The following GOLGA8A variants were observed in gnomAD, a reference collection of about 807,000 sequenced individuals.
GOLGA8A encodes golgin A8 family member A, also known as golgin subfamily A member 8A.
Under a neutral mutation model 22.1 loss-of-function variants are expected in GOLGA8A, and 3 were observed. That is an observed-to-expected ratio of 0.14 (90% CI 0.06 to 0.35). The LOEUF is 0.35. Among genes scored for constraint, GOLGA8A ranks in the 10% least tolerant of loss-of-function variants. GOLGA8A has a pLI of 1.00. For synonymous variants in GOLGA8A, 7 were observed against 91.7 expected (o/e 0.08, Z 5.28); for missense variants, 16 against 233.2 (o/e 0.07, Z 6.07).
intron 2 of GOLGA8A, among the ~76,000 whole-genome samples, chr15:34,432,945 T>C (rs1366080242): frequency 1.3e-5 from 2 of 148,588 alleles, no homozygotes; most frequent in Non-Finnish European, 3.0e-5. Context: ...CAGTTCAATA[T>C]TGCATCTCGT....
chr15:34,400,632 T>G (rs1400260891), intron 6 of GOLGA8A, 80 bp downstream of exon 6: 2 of 142,418 alleles, frequency 1.4e-5, no homozygotes, highest in Admixed American at 1.4e-4. Context: ...GTTTTTTTTG[T>G]TTTAGGCCTG....
chr15:34,397,401 T>C (rs1239931484), intron 8 of GOLGA8A, among the ~76,000 whole-genome samples: 1 of 147,764 alleles, frequency 6.8e-6, no homozygotes, highest in Non-Finnish European at 1.5e-5. Context: ...CTTTTTCTTA[T>C]ATAATACATT....
chr15:34,436,703 G>A (rs1893532464), intron 1 of GOLGA8A, among the ~76,000 whole-genome samples: 1 of 149,440 alleles, frequency 6.7e-6, no homozygotes, highest in Non-Finnish European at 1.5e-5. Context: ...GGGGACCGGG[G>A]GCCTCGATGT....
At chr15:34,430,993 CAA>C (rs142350347) in intron 2 of GOLGA8A, among the ~76,000 whole-genome samples, 12,574 of 147,498 alleles carry the variant, frequency 0.085, 968 homozygotes, top group South Asian at 0.22. Context: ...CTTATTACAC[CAA>C]AAGACTGAGA....
At chr15:34,427,262 T>G (rs190540337) in intron 2 of GOLGA8A, among the ~76,000 whole-genome samples, 1 of 130,652 alleles carries the variant, frequency 7.7e-6, no homozygotes, top group Admixed American at 8.8e-5. Context: ...ACCCAGGAGG[T>G]GGAGCTTACA....
rs541157460 is a variant in GOLGA8A, at chr15:34,436,823, G to C, written c.-1212+575C>G. Among the ~76,000 whole-genome samples the C allele has an allele frequency of 1.1e-3, 162 of 149,994 alleles. 16 individuals carry two copies. The highest frequency in any genetic ancestry group is 3.1e-3 in the Admixed American group (46 of 14,982). On this transcript the variant is annotated intron_variant, in intron 1 of 24. Transcript: ENST00000359187. ...CAGGTCCGCACCGTGCCCCCAACCC[G>C]GCGCCTGCAGCCCAGGGGCAACAAG...
At chr15:34,405,656 G>A (rs139129029) in intron 4 of GOLGA8A, among the ~76,000 whole-genome samples, 1 of 140,814 alleles carries the variant, frequency 7.1e-6, no homozygotes, top group African/African-American at 2.5e-5. Flanking sequence ...AGTTAGGTGG[G>A]AGCTCTTGGA....
At chr15:34,427,076 T>TG (rs1893013752) in intron 2 of GOLGA8A, among the ~76,000 whole-genome samples, 1 of 147,758 alleles carries the variant, frequency 6.8e-6, no homozygotes, top group South Asian at 2.2e-4. Context: ...CTCACGCCTG[T>TG]AATTGCAGCA....
At chr15:34,432,373 G>A (rs1893295296) in intron 2 of GOLGA8A, among the ~76,000 whole-genome samples, 1 of 148,436 alleles carries the variant, frequency 6.7e-6, no homozygotes, top group Non-Finnish European at 1.5e-5. Flanking sequence ...GCCCCAGCAG[G>A]AGACAGGGAC....
Position 34,428,238 on chromosome 15 carries a change from C to T in GOLGA8A, c.-1123+7145G>A, listed in dbSNP as rs115564408. Among the ~76,000 whole-genome samples, 84 of 147,482 alleles carry T rather than the reference C, an allele frequency of 5.7e-4. 9 individuals carry two copies. Among genetic ancestry groups the T allele is most frequent in the Non-Finnish European group, 1.2e-3 (78 of 66,718 alleles). On this transcript the variant is annotated intron_variant, in intron 2 of 24. Transcript: ENST00000359187. ...CCTCCCAAGTAGCTAGGACCACACC[C>T]GTGAGCCACCACATCTGGCTAATTT...
At position 34,385,357 on chromosome 15, in the gene GOLGA8A, G is replaced by GC; in HGVS notation, c.373-20dup. ...TTTGACCCTTTGGGAGAAAAGCCAA[G>GC]CAAGTGCTGAAATAGAAGGAAAGAA... On this transcript the variant is annotated intron_variant, in intron 14 of 24. Transcript: ENST00000359187. The GC allele has an allele frequency of 3.8e-6, 2 of 525,264 alleles. No homozygotes were observed. Among genetic ancestry groups the GC allele is most frequent in the Non-Finnish European group, 6.4e-6 (2 of 313,514 alleles). The allele number at this position is 525,264 out of a possible 1,614,324, so 32.5% of individuals were successfully genotyped here.
chr15:34,431,460 T>C (rs1893251001), intron 2 of GOLGA8A, among the ~76,000 whole-genome samples: 1 of 147,344 alleles, frequency 6.8e-6, no homozygotes, highest in African/African-American at 2.5e-5. Context: ...AATTTATCAT[T>C]AGGCAATTTC....
intron 2 of GOLGA8A, among the ~76,000 whole-genome samples, chr15:34,425,109 T>G (rs1892928780): frequency 6.9e-6 from 1 of 144,504 alleles, no homozygotes; most frequent in Non-Finnish European, 1.5e-5. Flanking sequence ...ATAAATAAAA[T>G]AAGGCTTATC....
chr15:34,428,864 GC>G lies in GOLGA8A; in HGVS notation c.-1123+6518del, dbSNP rs1488351765. The G allele has an allele frequency of 1.4e-5, 2 of 142,858 alleles. 1 individual carries two copies. Among genetic ancestry groups the G allele is most frequent in the Admixed American group, 1.4e-4 (2 of 14,010 alleles). 8.8% of individuals were successfully genotyped at this position (142,858 alleles called of 1,614,324 possible). On this transcript the variant is annotated intron_variant, in intron 2 of 24. Transcript: ENST00000359187. ...TCCCGCTGCTTCTTGGAGAACAGGG[GC>G]AATTTAATCTACAAATCCTGTAAAT...
chr15:34,434,633 C>T lies in GOLGA8A; in HGVS notation c.-1123+750G>A, dbSNP rs572545811. 1.3e-3 allele frequency among the ~76,000 whole-genome samples: 194 copies of T among 149,102 alleles called. 19 individuals carry two copies. The highest frequency in any genetic ancestry group is 2.0e-3 in the Non-Finnish European group (134 of 67,024). On this transcript the variant is annotated intron_variant, in intron 2 of 24. Coordinates refer to ENST00000359187, the MANE Select transcript of GOLGA8A (RefSeq NM_181077.5). ...GGAGGAACTCTGGGAAAGGAAGGAG[C>T]CAGAGAAGTCTCCCTGTGGGCGCTC...
chr15:34,420,965 C>T lies in GOLGA8A; in HGVS notation c.-1122-13230G>A, dbSNP rs572852246. ...TGCAGAGACACCGCAATGACCATCC[C>T]GCCGGGGGCAACCGCCTGATTCCTT... On this transcript the variant is annotated intron_variant, in intron 2 of 24. Coordinates refer to ENST00000359187, the MANE Select transcript of GOLGA8A (RefSeq NM_181077.5). 1.2e-3 allele frequency among the ~76,000 whole-genome samples: 166 copies of T among 133,088 alleles called. 4 individuals carry two copies. Among genetic ancestry groups the T allele is most frequent in the African/African-American group, 4.4e-3 (157 of 35,486 alleles). The allele number at this position is 133,088 out of a possible 152,430, so 87.3% of individuals were successfully genotyped here. A position where few individuals can be genotyped will look rare whatever the true frequency, so the allele number is the denominator to read the frequency against.
intron 2 of GOLGA8A, among the ~76,000 whole-genome samples, chr15:34,425,934 C>CGTCGATGTCCAGAGAGT (rs1189348935): frequency 2.8e-5 from 4 of 140,802 alleles, no homozygotes; most frequent in East Asian, 2.3e-4. Flanking sequence ...GTCCAGAGAG[C>CGTCGATGTCCAGAGAGT]GTCGATGTCC....
chr15:34,430,115 C>T (rs58797441), intron 2 of GOLGA8A, among the ~76,000 whole-genome samples: 11,910 of 148,038 alleles, frequency 0.08, 1,403 homozygotes, highest in East Asian at 0.16. Flanking sequence ...AGCACAGGCA[C>T]GCCTGTGATC....
At chr15:34,420,076 C>A (rs79270600) in intron 2 of GOLGA8A, 5 of 149,330 alleles carry the variant, frequency 3.3e-5, no homozygotes, top group African/African-American at 1.0e-4. Flanking sequence ...CAGAATCATA[C>A]ACGTAGAAGT....
Sources: gnomAD v4.1 joint callset for allele counts (sites outside exome capture counted in the v4.1 genomes callset) on GRCh38, gnomAD v4.1.1 for gene constraint, MANE v1.5 for transcripts, NCBI Gene and HGNC (gene_info 2026-07-23, HGNC 2026-07-21) for gene names.